The following TPM3 variants were observed in gnomAD, a reference collection of about 807,000 sequenced individuals.
TPM3 encodes tropomyosin 3.
Under a neutral mutation model 43.1 loss-of-function variants are expected in TPM3, and 16 were observed. The ratio of observed to expected loss-of-function variants is 0.37; its 90% CI spans 0.25 to 0.56. The LOEUF is 0.56. Among genes scored for constraint, TPM3 ranks in the 20% least tolerant of loss-of-function variants. TPM3 has a pLI of 0.77. For synonymous variants in TPM3, 101 were observed against 116.9 expected (o/e 0.86, Z 0.88); for missense variants, 176 against 337.2 (o/e 0.52, Z 3.74).
At chr1:154,187,315 G>C in intron 2 of TPM3, 1 of 984,634 alleles carries the variant, frequency 1.0e-6, no homozygotes, top group Non-Finnish European at 1.2e-6. Flanking sequence ...TAACCCACAG[G>C]TGGTAGTTTG....
chr1:154,189,084 A>C (rs1327840985), intron 2 of TPM3, among the ~76,000 whole-genome samples: 1 of 127,626 alleles, frequency 7.8e-6, no homozygotes, highest in Non-Finnish European at 1.6e-5. Flanking sequence ...GTGAGTCGAG[A>C]TCTTGCCACT....
At chr1:154,155,400 T>C, downstream of TPM3, 1 of 313,440 alleles carries the variant, frequency 3.2e-6, no homozygotes, top group South Asian at 5.0e-5. Context: ...ACAAAAAAAC[T>C]TTTTGCAATG....
intron 2 of TPM3, chr1:154,187,369 C>G (rs1358361241): frequency 2.0e-6 from 2 of 984,676 alleles, no homozygotes; most frequent in African/African-American, 3.5e-5. Context: ...CTTGCTTGCT[C>G]CTGGCCACAA....
chr1:154,191,792 A>C (rs1663690565), intron 1 of TPM3, 110 bp downstream of exon 1: 1 of 1,577,972 alleles, frequency 6.3e-7, no homozygotes, highest in South Asian at 1.1e-5. Context: ...AGTCCATCCC[A>C]CCCCCAAAAA....
In TPM3 at chr1:154,173,156, C is replaced by T. The variant is rs2148242145; in HGVS notation, c.423G>A (p.Lys141=). 8 of 1,614,160 alleles carry T rather than the reference C, an allele frequency of 5.0e-6. No individual in the cohort carries two copies. The highest frequency in any genetic ancestry group is 6.8e-6 in the Non-Finnish European group (8 of 1,180,030). Residue 141 remains lysine, a synonymous_variant, in exon 4 of 10, where the codon AAG becomes AAA. Transcript: ENST00000651641. ...TGAGTTGGATTTCCTGGAGTTCCATCTTTTCTTCATCTTTTAAGGCCCGGT... is the reference window on the plus strand; with the variant it reads ...TGAGTTGGATTTCCTGGAGTTCCATTTTTTCTTCATCTTTTAAGGCCCGGT... ...IENRALKDEE[K]MELQEIQLKE...
chr1:154,174,368 G>GTATGTGTA (rs1553249324), intron 3 of TPM3, among the ~76,000 whole-genome samples: 1 of 46,354 alleles, frequency 2.2e-5, no homozygotes, highest in Admixed American at 3.3e-4. Context: ...AAATATATGT[G>GTATGTGTA]TATATATATA....
chr1:154,183,183 C>T (rs931984559), intron 2 of TPM3: 26 of 1,594,710 alleles, frequency 1.6e-5, no homozygotes, highest in African/African-American at 5.4e-5. Context: ...TTGCAGCCTC[C>T]TCTCACCCTT....
Position 154,167,521 on chromosome 1 carries a change from TAA to T in TPM3, c.*414_*415del. Reference sequence around the variant, plus strand: ...TCTTGTTCAGCTTGAGGAGTATAACTAAAATTACTATCCTGAGTAACCTGTAC... The same window carrying T: ...TCTTGTTCAGCTTGAGGAGTATAACTAATTACTATCCTGAGTAACCTGTAC... On this transcript the variant is annotated 3_prime_UTR_variant, in exon 10 of 10. Transcript: ENST00000651641. 1 of 1,090,618 alleles carries T rather than the reference TAA, an allele frequency of 9.2e-7. No homozygotes were observed. Among genetic ancestry groups the T allele is most frequent in the Non-Finnish European group, 1.1e-6 (1 of 893,458 alleles). 67.6% of individuals were successfully genotyped at this position (1,090,618 alleles called of 1,614,324 possible). A position where few individuals can be genotyped will look rare whatever the true frequency, so the allele number is the denominator to read the frequency against.
At position 154,171,923 on chromosome 1, in the gene TPM3, A is replaced by G. The variant is rs998685841; in HGVS notation, c.567-435T>C. 59 of 1,113,408 alleles carry G rather than the reference A, an allele frequency of 5.3e-5. No homozygotes were observed. The Admixed American group carries it at 9.6e-4, about 18-fold the overall frequency. 69.0% of individuals were successfully genotyped at this position (1,113,408 alleles called of 1,614,324 possible). A position where few individuals can be genotyped will look rare whatever the true frequency, so the allele number is the denominator to read the frequency against. ...GGAGCATTCCATGAAGAGATGAGACAGCACTCAACAAAATCAAGTGGAGGG... is the reference window on the plus strand; with the variant it reads ...GGAGCATTCCATGAAGAGATGAGACGGCACTCAACAAAATCAAGTGGAGGG... On this transcript the variant is annotated intron_variant, in intron 5 of 9. Transcript: ENST00000651641.
At chr1:154,183,340 C>T (rs753904345) in intron 2 of TPM3, 29 of 1,439,910 alleles carry the variant, frequency 2.0e-5, no homozygotes, top group African/African-American at 2.8e-5. Context: ...CTCCCAGTCG[C>T]CCTGGAGTAC....
At chr1:154,190,276 T>C (rs1272694848) in intron 2 of TPM3, among the ~76,000 whole-genome samples, 6 of 152,214 alleles carry the variant, frequency 3.9e-5, no homozygotes, top group Admixed American at 3.9e-4. Flanking sequence ...GCTCCTTTTT[T>C]CCTATTAACT....
chr1:154,183,234 C>T lies in TPM3; in HGVS notation c.244-6986G>A, dbSNP rs1307336026. 6 of 1,544,736 alleles carry T rather than the reference C, an allele frequency of 3.9e-6. No homozygotes were observed. The African/African-American group carries it at 4.1e-5, about 11-fold the overall frequency. ...GCCCTGAAATACCGGAACTCACCAACCCGCCCGGATGTGACGTCCCTCTGC... is the reference window on the plus strand; with the variant it reads ...GCCCTGAAATACCGGAACTCACCAATCCGCCCGGATGTGACGTCCCTCTGC... On this transcript the variant is annotated intron_variant, in intron 2 of 9. Transcript: ENST00000651641.
At chr1:154,160,858 G>T (rs1660277032), downstream of TPM3, among the ~76,000 whole-genome samples, 1 of 152,110 alleles carries the variant, frequency 6.6e-6, no homozygotes, top group South Asian at 2.1e-4. Context: ...AATGCTCATT[G>T]GAGGATTTTG....
chr1:154,159,305 G>C (rs1463191861), downstream of TPM3, among the ~76,000 whole-genome samples: 1 of 152,088 alleles, frequency 6.6e-6, no homozygotes, highest in African/African-American at 2.4e-5. Context: ...CATTTTGAGG[G>C]AGAAAAAATG....
intron 2 of TPM3, among the ~76,000 whole-genome samples, chr1:154,178,711 C>G (rs1030491502): frequency 6.6e-6 from 1 of 152,192 alleles, no homozygotes. Flanking sequence ...TCTGCACTTT[C>G]CTAATCATCT....
chr1:154,163,124 TAAG>T lies in TPM3; in HGVS notation c.*4810_*4812del, dbSNP rs1487892850. Among the ~76,000 whole-genome samples, 2 of 152,202 alleles carry T rather than the reference TAAG, an allele frequency of 1.3e-5. No individual in the cohort carries two copies. Among genetic ancestry groups the T allele is most frequent in the Non-Finnish European group, 2.9e-5 (2 of 68,026 alleles). Reference sequence around the variant, plus strand: ...ATGCCCGGTCTACTTCCTTCCTTTCTAAGAAGTCTTTCTTCATGTCAAAGCCAA... The same window carrying T: ...ATGCCCGGTCTACTTCCTTCCTTTCTAAGTCTTTCTTCATGTCAAAGCCAA... On this transcript the variant is annotated 3_prime_UTR_variant, in exon 10 of 10. Coordinates refer to ENST00000651641, the MANE Select transcript of TPM3 (RefSeq NM_152263.4).
rs558268478 is a variant in TPM3, at chr1:154,164,124, C to T, written c.*3813G>A. Among the ~76,000 whole-genome samples, 4 of 152,094 alleles carry T rather than the reference C, an allele frequency of 2.6e-5. No individual in the cohort carries two copies. The South Asian group carries it at 6.2e-4, about 24-fold the overall frequency. On this transcript the variant is annotated 3_prime_UTR_variant, in exon 10 of 10. Coordinates refer to ENST00000651641, the MANE Select transcript of TPM3 (RefSeq NM_152263.4). The stretch of plus-strand genomic sequence containing the variant: ...CTTTCCCTTCCCCCAGCTCCCCAAA[C>T]CAGGACAACATGATCTCCCTACATC...
intron 2 of TPM3, among the ~76,000 whole-genome samples, chr1:154,181,744 A>C (rs1303365631): frequency 6.6e-6 from 1 of 152,158 alleles, no homozygotes; most frequent in East Asian, 1.9e-4. Context: ...ACATGGCGAA[A>C]CCCCGTCTCT....
Position 154,191,182 on chromosome 1 carries a change from T to C in TPM3, c.243+4A>G. 6.2e-7 allele frequency: 1 copy of C among 1,614,176 alleles called. No homozygotes were observed. Among genetic ancestry groups the C allele is most frequent in the Non-Finnish European group, 8.5e-7 (1 of 1,180,012 alleles). ...AACCCATCCTCCATCTCTCTAATAC[T>C]CACATCAGCAGCCTTCTTCTCTGCC... is the stretch of plus-strand genomic sequence containing the variant. On this transcript the variant is annotated splice_donor_region_variant and intron_variant, in intron 2 of 9. Transcript: ENST00000651641.
Sources: allele counts gnomAD v4.1 joint callset (sites outside exome capture counted in the v4.1 genomes callset), GRCh38; gene constraint gnomAD v4.1.1; transcripts MANE v1.5; gene names NCBI Gene and HGNC (gene_info 2026-07-23, HGNC 2026-07-21).